Variants in ABCA10 observed in about 807,000 individuals in gnomAD.
The protein encoded by ABCA10 is ATP-binding cassette sub-family A member 10.
In ABCA10, 169 loss-of-function variants were observed where a neutral mutation model predicts 187.5. The observed-to-expected ratio is 0.90, with a 90% confidence interval of 0.80 to 1.02. ABCA10 has a LOEUF of 1.02. Ranked by LOEUF, ABCA10 falls within the 50% of genes least tolerant of loss-of-function variation. The pLI, the probability that ABCA10 is intolerant of heterozygous loss-of-function variation, is 0.00. For synonymous variants in ABCA10, 574 were observed against 601.8 expected (o/e 0.95, Z 0.68); for missense variants, 1,727 against 1,812.4 (o/e 0.95, Z 0.86).
At chr17:69,154,114 C>T (rs558944942) in intron 31 of ABCA10, 105 bp from the exon 32 acceptor site, 121 of 1,470,522 alleles carry the variant, frequency 8.2e-5, no homozygotes, top group Middle Eastern at 1.8e-4. Flanking sequence ...TTTTTGAATA[C>T]GCAAGAGAAA....
intron 9 of ABCA10, among the ~76,000 whole-genome samples, chr17:69,208,565 C>T (rs560698772): frequency 1.3e-5 from 2 of 151,956 alleles, no homozygotes; most frequent in South Asian, 4.2e-4. Context: ...CTACCCACTA[C>T]AAAAAATTCT....
chr17:69,178,454 C>A (rs2074353572), intron 22 of ABCA10, among the ~76,000 whole-genome samples: 1 of 152,158 alleles, frequency 6.6e-6, no homozygotes, highest in East Asian at 1.9e-4. Context: ...TCTCAGACCT[C>A]ACATCTGATC....
chr17:69,174,867 A>C, intron 23 of ABCA10, 90 bp from the exon 24 acceptor site: 1 of 1,206,624 alleles, frequency 8.3e-7, no homozygotes, highest in Non-Finnish European at 1.1e-6. Context: ...AAATTTTAGA[A>C]ATAGTATGTT....
At chr17:69,216,794 T>C (rs998747877) in intron 6 of ABCA10, among the ~76,000 whole-genome samples, 6 of 152,152 alleles carry the variant, frequency 3.9e-5, no homozygotes, top group African/African-American at 1.4e-4. Flanking sequence ...CTTTCTAAGG[T>C]ATACCATTCT....
At position 69,226,966 on chromosome 17, in the gene ABCA10, T is replaced by C. The variant is rs1218767607; in HGVS notation, c.-172+179A>G. On this transcript the variant is annotated intron_variant, in intron 2 of 38. Coordinates refer to ENST00000690296, the MANE Select transcript of ABCA10 (RefSeq NM_001377321.1). Reference sequence around the variant, plus strand: ...AATTTCACATTTGACACAAATATTATCCTATTTTGCAAAATATATATCGTT... The same window carrying C: ...AATTTCACATTTGACACAAATATTACCCTATTTTGCAAAATATATATCGTT... Among the ~76,000 whole-genome samples the C allele has an allele frequency of 2.0e-5, 3 of 151,934 alleles. No individual in the cohort carries two copies. The East Asian group carries it at 5.8e-4, about 29-fold the overall frequency.
intron 1 of ABCA10, among the ~76,000 whole-genome samples, chr17:69,240,911 C>A (rs1257986623): frequency 6.6e-6 from 1 of 152,170 alleles, no homozygotes; most frequent in Non-Finnish European, 1.5e-5. Flanking sequence ...TTAACATTAC[C>A]TATGTTTCAC....
intron 4 of ABCA10, 36 bp from the exon 5 acceptor site, chr17:69,221,931 T>A: frequency 2.7e-6 from 4 of 1,466,064 alleles, no homozygotes; most frequent in Non-Finnish European, 3.7e-6. Context: ...CATAGTTATA[T>A]AATGGAGTCA....
intron 3 of ABCA10, 104 bp downstream of exon 3, chr17:69,225,221 T>C (rs2074784267): frequency 3.0e-6 from 4 of 1,328,874 alleles, no homozygotes; most frequent in Non-Finnish European, 1.1e-6. Context: ...TTTGCCTCAG[T>C]TGAGAATCAC....
chr17:69,238,157 G>T (rs991331521), intron 1 of ABCA10, among the ~76,000 whole-genome samples: 2 of 65,570 alleles, frequency 3.1e-5, no homozygotes, highest in Admixed American at 2.6e-4. Context: ...GTGAGACTCT[G>T]TCAAAAAAAA....
rs750661377 is a variant in ABCA10 at position 69,154,020 on chromosome 17, C to A, written c.3787-11G>T. 49 of 1,609,606 alleles carry A rather than the reference C, an allele frequency of 3.0e-5. No homozygotes were observed. The highest frequency in any genetic ancestry group is 5.0e-5 in the Admixed American group (3 of 59,560). ...GCCTTGTAACACCACCTGCACAAGA[C>A]AATGAATGTCAGATTCACCTTTGGT... On this transcript the variant is annotated splice_polypyrimidine_tract_variant and intron_variant, in intron 31 of 38. Transcript: ENST00000690296.
At chr17:69,192,134 C>T (rs2074464908) in intron 16 of ABCA10, among the ~76,000 whole-genome samples, 1 of 152,122 alleles carries the variant, frequency 6.6e-6, no homozygotes, top group Admixed American at 6.5e-5. Flanking sequence ...GCCATCCTGG[C>T]CAACATGGTG....
At chr17:69,162,083 A>C (rs535786937) in intron 27 of ABCA10, among the ~76,000 whole-genome samples, 23 of 152,328 alleles carry the variant, frequency 1.5e-4, no homozygotes, top group Non-Finnish European at 2.1e-4. Flanking sequence ...CATAATTCCG[A>C]TTGAAAAATT....
intron 27 of ABCA10, 69 bp downstream of exon 27, chr17:69,164,005 C>A: frequency 3.2e-6 from 4 of 1,268,040 alleles, no homozygotes; most frequent in South Asian, 1.7e-5. Flanking sequence ...TTTGGCATAC[C>A]TTGAATAAGA....
intron 5 of ABCA10, among the ~76,000 whole-genome samples, 159 bp downstream of exon 5, chr17:69,221,633 G>A (rs2074748275): frequency 6.6e-6 from 1 of 152,192 alleles, no homozygotes; most frequent in South Asian, 2.1e-4. Flanking sequence ...TATGTTAGAA[G>A]TTGGGAGATA....
At position 69,193,194 on chromosome 17, in the gene ABCA10, C is replaced by T; in HGVS notation, c.1696G>A (p.Val566Met). The change falls in exon 15 of 39, where the codon GTG becomes ATG. Residue 566 changes from valine to methionine, a missense_variant. Transcript: ENST00000690296. The part of the protein sequence containing the change: ...AGLDPFSRHR[V>M]WSLLKEHKVD... The stretch of plus-strand genomic sequence containing the variant: ...TTATGCTCCTTCAGGAGGCTCCACA[C>T]TCGGTGTCTTGAAAAGGGATCCAAT... 1.2e-6 allele frequency: 2 copies of T among 1,614,132 alleles called. No homozygotes were observed. Among genetic ancestry groups the T allele is most frequent in the South Asian group, 2.2e-5 (2 of 91,068 alleles).
At chr17:69,164,679 A>G (rs1256720518) in intron 26 of ABCA10, among the ~76,000 whole-genome samples, 1 of 152,158 alleles carries the variant, frequency 6.6e-6, no homozygotes, top group Non-Finnish European at 1.5e-5. Flanking sequence ...ATAACAATGG[A>G]AAAGTTTTAG....
At position 69,149,029 on chromosome 17, in the gene ABCA10, C is replaced by A. The variant is rs376357043; in HGVS notation, c.4533+4G>T. On this transcript the variant is annotated splice_donor_region_variant and intron_variant, in intron 38 of 38. Coordinates refer to ENST00000690296, the MANE Select transcript of ABCA10 (RefSeq NM_001377321.1). ...TGGTGCTCACTCGTTCAATGAAAAC[C>A]CACCTGCTCCAAGGTAGCCTGAGAG... 7.6e-5 allele frequency: 123 copies of A among 1,613,296 alleles called. No homozygotes were observed. The highest frequency in any genetic ancestry group is 1.0e-4 in the Non-Finnish European group (119 of 1,179,822).
intron 9 of ABCA10, among the ~76,000 whole-genome samples, chr17:69,214,314 G>C: frequency 6.6e-6 from 1 of 152,072 alleles, no homozygotes. Flanking sequence ...AGGAGATCGA[G>C]ACCATCCCGG....
intron 9 of ABCA10, among the ~76,000 whole-genome samples, chr17:69,213,786 C>T (rs566879472): frequency 1.3e-5 from 2 of 152,302 alleles, no homozygotes; most frequent in Admixed American, 6.5e-5. Context: ...TGGCCCCTTC[C>T]GATTCTGCTC....
Sources: gnomAD v4.1 joint callset for allele counts (sites outside exome capture counted in the v4.1 genomes callset) on GRCh38, gnomAD v4.1.1 for gene constraint, MANE v1.5 for transcripts, NCBI Gene and HGNC (gene_info 2026-07-23, HGNC 2026-07-21) for gene names.